Variants in SHOX observed in about 807,000 individuals in gnomAD.
The protein encoded by SHOX is short stature homeobox protein.
In SHOX, 12 loss-of-function variants were observed where a neutral mutation model predicts 29.6. The ratio of observed to expected loss-of-function variants is 0.41; its 90% CI spans 0.26 to 0.66. SHOX has a LOEUF of 0.66. SHOX is among the 30% of genes least tolerant of loss of function. SHOX has a pLI of 0.35. For missense variants in SHOX, 499 were observed against 437.7 expected (o/e 1.14, Z -1.25); for synonymous variants, 214 against 200.6 (o/e 1.07, Z -0.57).
chrX:629,395 CT>C (rs2052606709), upstream of SHOX, among the ~76,000 whole-genome samples: 3 of 151,126 alleles, frequency 2.0e-5, no homozygotes, highest in East Asian at 6.0e-4. Flanking sequence ...CTCTCTTTCT[CT>C]CTCTCCATCT....
At position 649,917 on chromosome X, in the gene SHOX, CTT is replaced by C. The variant is rs1447957662; in HGVS notation, c.*5284_*5285del. The C allele has an allele frequency of 2.2e-6, 1 of 455,986 alleles. No individual in the cohort carries two copies. The highest frequency in any genetic ancestry group is 6.9e-5 in the East Asian group (1 of 14,396). The allele number at this position is 455,986 out of a possible 1,614,324, so 28.2% of individuals were successfully genotyped here. A position where few individuals can be genotyped will look rare whatever the true frequency, so the allele number is the denominator to read the frequency against. ...TTCTGACATATCCACTTTTCTCTCTCTTTTCTCTCTCTCTGACTGCGAAGCAC... is the reference window on the plus strand; with the variant it reads ...TTCTGACATATCCACTTTTCTCTCTCTTCTCTCTCTCTGACTGCGAAGCAC... On this transcript the variant is annotated 3_prime_UTR_variant, in exon 5 of 5. Transcript: ENST00000686671.
At chrX:638,111 C>G (rs1216791944) in intron 2 of SHOX, among the ~76,000 whole-genome samples, 1 of 152,176 alleles carries the variant, frequency 6.6e-6, no homozygotes, top group African/African-American at 2.4e-5. Flanking sequence ...GGGGAGTGCT[C>G]TTTAATGAAG....
chrX:633,446 G>T (rs1438988114), intron 1 of SHOX, among the ~76,000 whole-genome samples: 1 of 144,488 alleles, frequency 6.9e-6, no homozygotes, highest in South Asian at 2.4e-4. Context: ...TGAAATCCAC[G>T]TTGGAGTAAG....
In SHOX at chrX:640,894, GGGGGGACCTGAAGCT is replaced by G. The variant is rs754648535; in HGVS notation, c.544+23_544+37del. The G allele has an allele frequency of 6.2e-7, 1 of 1,613,772 alleles. No individual in the cohort carries two copies. Among genetic ancestry groups the G allele is most frequent in the East Asian group, 2.2e-5 (1 of 44,876 alleles). On this transcript the variant is annotated intron_variant, in intron 3 of 4. Coordinates refer to ENST00000686671, the MANE Select transcript of SHOX (RefSeq NM_000451.4). ...ATGCATAAAGGTGGGTGTCGGGACT[GGGGGGACCTGAAGCT>G]GGGGGATCCTGCTCCAGGAGGGATG...
chrX:637,189 A>C (rs2052775038), intron 2 of SHOX, among the ~76,000 whole-genome samples: 1 of 151,958 alleles, frequency 6.6e-6, no homozygotes, highest in Non-Finnish European at 1.5e-5. Context: ...AGGAAGCTGC[A>C]TCAGACAGGG....
Position 651,512 on chromosome X carries a change from T to C in SHOX, c.*6876T>C. ...TGTTGAGTTGCAGCAACAGACTGTATTTTTGTGACGCCCCGTAGTATGAAT... is the reference window on the plus strand; with the variant it reads ...TGTTGAGTTGCAGCAACAGACTGTACTTTTGTGACGCCCCGTAGTATGAAT... On this transcript the variant is annotated 3_prime_UTR_variant, in exon 5 of 5. Coordinates refer to ENST00000686671, the MANE Select transcript of SHOX (RefSeq NM_000451.4). 1 of 414,038 alleles carries C rather than the reference T, an allele frequency of 2.4e-6. No homozygotes were observed. The highest frequency in any genetic ancestry group is 4.8e-6 in the Non-Finnish European group (1 of 209,082). 25.6% of individuals were successfully genotyped at this position (414,038 alleles called of 1,614,324 possible).
chrX:636,338 A>G (rs1033887222), intron 2 of SHOX, among the ~76,000 whole-genome samples: 1 of 83,388 alleles, frequency 1.2e-5, no homozygotes, highest in African/African-American at 5.6e-5. Flanking sequence ...AAACATATAA[A>G]CATATATAAA....
chrX:636,968 A>ATTTT (rs1478994841), intron 2 of SHOX, among the ~76,000 whole-genome samples: 10 of 139,024 alleles, frequency 7.2e-5, no homozygotes, highest in African/African-American at 2.9e-4. Flanking sequence ...ATATATATAT[A>ATTTT]TATTTTGGCT....
In SHOX at chrX:648,431, T is replaced by C. The variant is rs983524146; in HGVS notation, c.*3795T>C. On this transcript the variant is annotated 3_prime_UTR_variant, in exon 5 of 5. Coordinates refer to ENST00000686671, the MANE Select transcript of SHOX (RefSeq NM_000451.4). ...TGGTAGAGACAGGTTTTTGCTGTGT[T>C]GGCCCGGCTGGTCTCAAACTCCTGA... Among the ~76,000 whole-genome samples, 17 of 152,342 alleles carry C rather than the reference T, an allele frequency of 1.1e-4. No individual in the cohort carries two copies. In the Middle Eastern group the frequency reaches 0.01, roughly 91 times the overall value.
intron 1 of SHOX, among the ~76,000 whole-genome samples, chrX:624,878 CTTT>C (rs1569491667): frequency 2.5e-4 from 16 of 65,152 alleles, no homozygotes; most frequent in South Asian, 1.6e-3. Context: ...TTCTTTCTTT[CTTT>C]CTTTCTTTCT....
Position 644,420 on chromosome X carries a change from G to A in SHOX, c.663G>A (p.Val221=). 1 of 1,521,574 alleles carries A rather than the reference G, an allele frequency of 6.6e-7. No homozygotes were observed. Among genetic ancestry groups the A allele is most frequent in the Non-Finnish European group, 8.8e-7 (1 of 1,142,164 alleles). The allele number at this position is 1,521,574 out of a possible 1,614,324, so 94.3% of individuals were successfully genotyped here. ...QVQAQLQLEG[V]AHAHPHLHPH... ...AGGCTCAGCTGCAGCTGGAAGGCGT[G>A]GCCCACGCGCACCCGCACCTGCACC... Residue 221 remains valine, a synonymous_variant, in exon 5 of 5, where the codon GTG becomes GTA. Coordinates refer to ENST00000686671, the MANE Select transcript of SHOX (RefSeq NM_000451.4).
intron 1 of SHOX, among the ~76,000 whole-genome samples, chrX:625,776 C>G (rs1206072079): frequency 1.4e-5 from 2 of 148,134 alleles, no homozygotes; most frequent in Admixed American, 6.8e-5. Flanking sequence ...CTCTGTCTGT[C>G]TCTGTCTCTC....
chrX:643,041 C>T (rs1400900629), intron 4 of SHOX, among the ~76,000 whole-genome samples: 1 of 143,050 alleles, frequency 7.0e-6, no homozygotes, highest in Non-Finnish European at 1.5e-5. Flanking sequence ...CACCTGGTGA[C>T]CCGGGAGGGC....
chrX:645,000 A>C lies in SHOX; in HGVS notation c.*364A>C, dbSNP rs2052939856. 7.9e-6 allele frequency: 2 copies of C among 252,444 alleles called. No individual in the cohort carries two copies. Among genetic ancestry groups the C allele is most frequent in the East Asian group, 1.6e-4 (2 of 12,768 alleles). The allele number at this position is 252,444 out of a possible 1,614,324, so 15.6% of individuals were successfully genotyped here. On this transcript the variant is annotated 3_prime_UTR_variant, in exon 5 of 5. Coordinates refer to ENST00000686671, the MANE Select transcript of SHOX (RefSeq NM_000451.4). ...AACTACACACGTTTGGAAGATCCTT[A>C]GAGTCTATTGAAACTGCAAAGATCC...
rs748170420 is a variant in SHOX at position 625,061 on chromosome X, C to T, written c.-433+459C>T. ...TCCTTTCCTCCCTCTGTTCCTTCCT[C>T]CCTCCCTCCCTCCTTCTCTCCCTCC... On this transcript the variant is annotated intron_variant, in intron 1 of 5. Coordinates refer to the SHOX transcript ENST00000334060. 5.5e-3 allele frequency among the ~76,000 whole-genome samples: 597 copies of T among 108,426 alleles called. 6 individuals carry two copies. Among genetic ancestry groups the T allele is most frequent in the African/African-American group, 0.023 (569 of 24,572 alleles). The allele number at this position is 108,426 out of a possible 152,430, so 71.1% of individuals were successfully genotyped here.
chrX:634,288 C>G (rs560726057), intron 1 of SHOX, among the ~76,000 whole-genome samples: 1 of 151,868 alleles, frequency 6.6e-6, no homozygotes, highest in African/African-American at 2.4e-5. Flanking sequence ...TCCTCAAATT[C>G]TTTCCCTTAA....
In SHOX at chrX:651,086, T is replaced by C. The variant is rs1168543516; in HGVS notation, c.*6450T>C. On this transcript the variant is annotated 3_prime_UTR_variant, in exon 5 of 5. Coordinates refer to ENST00000686671, the MANE Select transcript of SHOX (RefSeq NM_000451.4). ...AAAGCCCCTGCTTCTTACTTTGTGATGTATGTGCATTTGTTATTTATTTTT... is the reference window on the plus strand; with the variant it reads ...AAAGCCCCTGCTTCTTACTTTGTGACGTATGTGCATTTGTTATTTATTTTT... Among the ~76,000 whole-genome samples the C allele has an allele frequency of 2.1e-5, 3 of 143,908 alleles. No individual in the cohort carries two copies. The highest frequency in any genetic ancestry group is 4.6e-5 in the Non-Finnish European group (3 of 65,860). The allele number at this position is 143,908 out of a possible 152,430, so 94.4% of individuals were successfully genotyped here. A position where few individuals can be genotyped will look rare whatever the true frequency, so the allele number is the denominator to read the frequency against.
rs2052996660 is a variant in SHOX, at chrX:648,539, C to G, written c.*3903C>G. ...CCACCGCACCTGGCCTGAATCTGAA[C>G]TTTTAAAAGGGAGTTACTGACTCTC... On this transcript the variant is annotated 3_prime_UTR_variant, in exon 5 of 5. Coordinates refer to ENST00000686671, the MANE Select transcript of SHOX (RefSeq NM_000451.4). 6.6e-6 allele frequency among the ~76,000 whole-genome samples: 1 copy of G among 152,172 alleles called. No homozygotes were observed. The highest frequency in any genetic ancestry group is 2.1e-4 in the South Asian group (1 of 4,828).
At chrX:655,032 A>G (rs369026692), downstream of SHOX, among the ~76,000 whole-genome samples, 1 of 151,470 alleles carries the variant, frequency 6.6e-6, no homozygotes, top group Non-Finnish European at 1.5e-5. Flanking sequence ...GCAGGAAGCC[A>G]TGATTGCACC....
Sources: allele counts gnomAD v4.1 joint callset (sites outside exome capture counted in the v4.1 genomes callset), GRCh38; gene constraint gnomAD v4.1.1; transcripts MANE v1.5; gene names NCBI Gene and HGNC (gene_info 2026-07-23, HGNC 2026-07-21).